The following CFAP65 variants were observed in gnomAD, a reference collection of about 807,000 sequenced individuals.
CFAP65 encodes cilia and flagella associated protein 65, also known as cilia- and flagella-associated protein 65.
A neutral mutation model predicts 208.0 loss-of-function variants in CFAP65; 155 were observed. That is an observed-to-expected ratio of 0.75 (90% CI 0.65 to 0.85). The LOEUF (loss-of-function observed/expected upper bound fraction) is 0.85, where lower values mean the gene tolerates loss of function less well. Among genes scored for constraint, CFAP65 ranks in the 40% least tolerant of loss-of-function variants. CFAP65 has a pLI of 0.00. For synonymous variants in CFAP65, 970 were observed against 986.3 expected (o/e 0.98, Z 0.31); for missense variants, 2,294 against 2,451.3 (o/e 0.94, Z 1.36).
intron 4 of CFAP65, among the ~76,000 whole-genome samples, chr2:219,036,178 A>C (rs545655651): frequency 6.6e-6 from 1 of 152,160 alleles, no homozygotes; most frequent in East Asian, 1.9e-4. Flanking sequence ...AGGAGGAGCC[A>C]ATTTGCTTGC....
intron 21 of CFAP65, 63 bp downstream of exon 21, chr2:219,018,988 G>A (rs759104833): frequency 6.2e-7 from 1 of 1,606,466 alleles, no homozygotes; most frequent in Non-Finnish European, 8.5e-7. Flanking sequence ...TGCAGCTCTT[G>A]TTCTCCTTCA....
At chr2:219,013,402 A>C (rs1357318725) in intron 23 of CFAP65, 33 bp from the exon 24 acceptor site, 4 of 1,565,532 alleles carry the variant, frequency 2.6e-6, no homozygotes, top group Non-Finnish European at 3.5e-6. Flanking sequence ...AGGAACTGAC[A>C]CAGCCAGTGG....
At position 219,027,739 on chromosome 2, in the gene CFAP65, G is replaced by C. The variant is rs185954271; in HGVS notation, c.2122C>G (p.Leu708Val). Residue 708 changes from leucine (L) to valine (V), a missense_variant, in exon 13 of 35, where the codon CTC becomes GTC. Leu to Val is a conservative substitution (Grantham distance 32). Around this residue, in one of 2 missense-constraint regions of CFAP65, gnomAD observed 867 missense variants for 1,012.6 expected, o/e 0.86. Transcript: ENST00000341552. ...TGCAGGCGCATGGCCATGGACTTGAGTGGGGGCACGTCGCAGCTCTCTGGA... is the reference window on the plus strand; with the variant it reads ...TGCAGGCGCATGGCCATGGACTTGACTGGGGGCACGTCGCAGCTCTCTGGA... ...VTPESCDVPP[L>V]KSMAMRLHFQ... The C allele has an allele frequency of 6.2e-7, 1 of 1,614,130 alleles. No homozygotes were observed. Among genetic ancestry groups the C allele is most frequent in the East Asian group, 2.2e-5 (1 of 44,890 alleles).
rs766124553 is a variant in CFAP65, at chr2:219,029,460, G to A, written c.1593C>T (p.Phe531=). ...AGCAGATGATGGGGTGAGTGGGCTG[G>A]AAGGCACAGTGCAGGGTCATACGGG... ...GKARMTLHCA[F]QPTHPIICFR... The change falls in exon 11 of 35, where the codon TTC becomes TTT. Residue 531 remains phenylalanine, a synonymous_variant. Transcript: ENST00000341552. 6.2e-7 allele frequency: 1 copy of A among 1,613,984 alleles called. No individual in the cohort carries two copies. Among genetic ancestry groups the A allele is most frequent in the Non-Finnish European group, 8.5e-7 (1 of 1,180,006 alleles).
rs531231867 is a variant in CFAP65 at position 219,012,653 on chromosome 2, T to C, written c.3957+606A>G. On this transcript the variant is annotated intron_variant, in intron 24 of 34. Coordinates refer to ENST00000341552, the MANE Select transcript of CFAP65 (RefSeq NM_194302.4). ...CTACATTTCCAGAGCAAGGAAACTG[T>C]ATTGCCTTCAATCAGTAAAGAAAGA... Among the ~76,000 whole-genome samples the C allele has an allele frequency of 1.6e-4, 24 of 152,382 alleles. No homozygotes were observed. In the South Asian group the frequency reaches 3.9e-3, roughly 25 times the overall value.
chr2:219,032,361 G>T lies in CFAP65; in HGVS notation c.645+109C>A. 1 of 882,552 alleles carries T rather than the reference G, an allele frequency of 1.1e-6. No individual in the cohort carries two copies. Among genetic ancestry groups the T allele is most frequent in the Non-Finnish European group, 1.7e-6 (1 of 577,850 alleles). The allele number at this position is 882,552 out of a possible 1,614,324, so 54.7% of individuals were successfully genotyped here. On this transcript the variant is annotated intron_variant, in intron 6 of 34. Coordinates refer to ENST00000341552, the MANE Select transcript of CFAP65 (RefSeq NM_194302.4). The surrounding 1 kb of genome is among the most constrained non-coding windows in gnomAD (Gnocchi z 5.5). ...CCAAGCTGGATTGCTGCTGGAGCGG[G>T]CAGCATGTGTGTGTGCCGGGGCGCT...
At chr2:219,029,950 C>T (rs1259692983) in intron 10 of CFAP65, 36 bp downstream of exon 10, 44 of 1,589,636 alleles carry the variant, frequency 2.8e-5, no homozygotes, top group Non-Finnish European at 3.5e-5. Flanking sequence ...AGGGGCTGCT[C>T]CTGTCCCCAG....
chr2:219,040,931 T>C (rs560251080), intron 1 of CFAP65, among the ~76,000 whole-genome samples: 9 of 151,782 alleles, frequency 5.9e-5, no homozygotes, highest in Non-Finnish European at 1.0e-4. Context: ...AAAGTCGATG[T>C]GCAGCTCGAA....
chr2:219,005,889 G>A (rs775724914), intron 31 of CFAP65, 132 bp downstream of exon 31: 19 of 946,118 alleles, frequency 2.0e-5, no homozygotes, highest in East Asian at 5.3e-5. Context: ...GCCCAGAGGC[G>A]CTCAATGAGC....
intron 5 of CFAP65, chr2:219,035,051 G>C: frequency 3.1e-6 from 1 of 325,462 alleles, no homozygotes; most frequent in South Asian, 5.0e-5. Flanking sequence ...GCAAGGTGGT[G>C]GAATAGAAGG....
chr2:219,035,467 C>T lies in CFAP65; in HGVS notation c.542+13G>A. The T allele has an allele frequency of 6.2e-7, 1 of 1,614,110 alleles. No homozygotes were observed. The highest frequency in any genetic ancestry group is 8.5e-7 in the Non-Finnish European group (1 of 1,180,030). On this transcript the variant is annotated intron_variant, in intron 5 of 34. Transcript: ENST00000341552. ...GGCTGTGGCACTGGGTCCTTGATCC[C>T]TTATACTGGTACCTGTACTTCATCT...
intron 21 of CFAP65, among the ~76,000 whole-genome samples, chr2:219,016,121 C>T (rs933268660): frequency 2.6e-5 from 4 of 152,098 alleles, no homozygotes; most frequent in African/African-American, 9.7e-5. Flanking sequence ...TACTTTTTTC[C>T]CATAGCTCCT....
chr2:219,028,457 G>C (rs10187743), intron 11 of CFAP65, 56 bp from the exon 12 acceptor site: 22 of 1,463,026 alleles, frequency 1.5e-5, no homozygotes, highest in Non-Finnish European at 2.1e-5. Flanking sequence ...GGCAAGGGGG[G>C]TGCTGGGGGT....
chr2:219,006,853 A>AG, intron 29 of CFAP65, among the ~76,000 whole-genome samples: 1 of 150,824 alleles, frequency 6.6e-6, no homozygotes, highest in East Asian at 2.0e-4. Flanking sequence ...AAAAAAAAAA[A>AG]GATGTGAGAG....
rs1207384936 is a variant in CFAP65, at chr2:219,032,066, T to C, written c.645+404A>G. ...TCCCAAGTAGCTGGGACTACAGGCA[T>C]GTGCCACCATGCCTGGTTAACTTTT... On this transcript the variant is annotated intron_variant, in intron 6 of 34. Transcript: ENST00000341552. The surrounding 1 kb of genome is among the most constrained non-coding windows in gnomAD (Gnocchi z 5.5). 6.6e-6 allele frequency among the ~76,000 whole-genome samples: 1 copy of C among 151,934 alleles called. No homozygotes were observed. Among genetic ancestry groups the C allele is most frequent in the Non-Finnish European group, 1.5e-5 (1 of 67,952 alleles).
chr2:219,003,349 A>G lies in CFAP65; in HGVS notation c.5556-77T>C, dbSNP rs767302280. 3 of 1,445,850 alleles carry G rather than the reference A, an allele frequency of 2.1e-6. No homozygotes were observed. Among genetic ancestry groups the G allele is most frequent in the Non-Finnish European group, 1.8e-6 (2 of 1,098,424 alleles). 89.6% of individuals were successfully genotyped at this position (1,445,850 alleles called of 1,614,324 possible). ...CCTCGCTCGCCTGTCCGTGCGGTAC[A>G]TTGTGCCGCGAGCTCTACGGAGATT... is the stretch of plus-strand genomic sequence containing the variant. On this transcript the variant is annotated intron_variant, in intron 33 of 34. Transcript: ENST00000341552. This position sits in a 1 kb window ranked among gnomAD's most constrained non-coding sequence, Gnocchi z 4.4.
At position 219,013,889 on chromosome 2, in the gene CFAP65, T is replaced by C. The variant is rs749754708; in HGVS notation, c.3758A>G (p.Gln1253Arg). The change falls in exon 22 of 35, where the codon CAG (glutamine) becomes CGG (arginine). Residue 1253 changes from glutamine to arginine, a missense_variant. Gln to Arg is a conservative substitution (Grantham distance 43, BLOSUM62 1). This residue lies in a region of CFAP65 where 1,427 missense variants were observed against 1,438.7 expected (regional missense o/e 0.99). Coordinates refer to ENST00000341552, the MANE Select transcript of CFAP65 (RefSeq NM_194302.4). ...KAGSLSPGQE[Q>R]MVELKYSHLF... is the part of the protein sequence containing the mutation. ...ACACCTGTATTTTAACTCCACCATC[T>C]GCTCCTGCCCAGGACTCAGGCTCCC... The C allele has an allele frequency of 2.5e-6, 4 of 1,606,914 alleles. No homozygotes were observed. The South Asian group carries it at 4.4e-5, about 18-fold the overall frequency.
intron 9 of CFAP65, 74 bp from the exon 10 acceptor site, chr2:219,030,282 T>C (rs1947930384): frequency 2.0e-6 from 3 of 1,473,284 alleles, no homozygotes; most frequent in Non-Finnish European, 2.8e-6. Context: ...GTCTACGCAT[T>C]GTACTGGCGT....
chr2:219,014,055 G>A lies in CFAP65; in HGVS notation c.3603-11C>T. On this transcript the variant is annotated splice_polypyrimidine_tract_variant and intron_variant, in intron 21 of 34. Transcript: ENST00000341552. ...GGAAGGAGGAAGGCCCTGGGAGAGG[G>A]GTGCAAAGCCATACAAAGAAACTGG... The A allele has an allele frequency of 6.3e-7, 1 of 1,594,904 alleles. No individual in the cohort carries two copies. Among genetic ancestry groups the A allele is most frequent in the Admixed American group, 1.7e-5 (1 of 57,400 alleles).
Sources: gnomAD v4.1 joint callset for allele counts (sites outside exome capture counted in the v4.1 genomes callset) on GRCh38, gnomAD v4.1.1 for gene constraint, gnomAD v4.1.1 regional missense constraint, Gnocchi (gnomAD v3.1) non-coding constraint, MANE v1.5 for transcripts, NCBI Gene and HGNC (gene_info 2026-07-23, HGNC 2026-07-21) for gene names.